The following CNIH3 variants were observed in gnomAD, a reference collection of about 807,000 sequenced individuals.
CNIH3 encodes cornichon family AMPA receptor auxiliary protein 3.
Under a neutral mutation model 24.1 loss-of-function variants are expected in CNIH3, and 14 were observed. The ratio of observed to expected loss-of-function variants is 0.58; its 90% confidence interval spans 0.38 to 0.91. The LOEUF is 0.91. Ranked by LOEUF, CNIH3 falls within the 40% of genes least tolerant of loss-of-function variation. The probability of loss-of-function intolerance (pLI) is 0.00; values close to 1 mark genes in which losing one functional copy is unlikely to be tolerated. For synonymous variants in CNIH3, 68 were observed against 73.8 expected (o/e 0.92, Z 0.40); for missense variants, 178 against 196.8 (o/e 0.90, Z 0.57).
Position 224,616,857 on chromosome 1 carries a change from CA to C in CNIH3, c.-317del. 8.4e-7 allele frequency: 1 copy of C among 1,192,042 alleles called. No homozygotes were observed. The highest frequency in any genetic ancestry group is 2.9e-5 in the South Asian group (1 of 34,474). 73.8% of individuals were successfully genotyped at this position (1,192,042 alleles called of 1,614,324 possible). On this transcript the variant is annotated 5_prime_UTR_variant, in exon 1 of 6. It introduces an in-frame stop codon into an upstream open reading frame of the 5' UTR. Coordinates refer to ENST00000272133, the MANE Select transcript of CNIH3 (RefSeq NM_152495.2). ...CTTGTCGTGTTGGTCTCGAGGGGCT[CA>C]CAGCTTGGCACTAATTTGCAGGTGT... is the stretch of plus-strand genomic sequence containing the variant.
At chr1:224,539,583 C>T (rs16849338), downstream of CNIH3, among the ~76,000 whole-genome samples, 7,731 of 152,250 alleles carry the variant, frequency 0.051, 291 homozygotes, top group Non-Finnish European at 0.07. Context: ...GACTTTACAA[C>T]GCTCTAGGAT....
chr1:224,685,929 A>G (rs1210178361), intron 3 of CNIH3, among the ~76,000 whole-genome samples: 1 of 152,226 alleles, frequency 6.6e-6, no homozygotes. Context: ...TTAGGAAAAT[A>G]ACATAATATG....
chr1:224,531,534 C>A (rs1479941585), intron 2 of CNIH3, among the ~76,000 whole-genome samples: 1 of 152,124 alleles, frequency 6.6e-6, no homozygotes, highest in Non-Finnish European at 1.5e-5. Context: ...AGTTGAAAGG[C>A]CAAGACAACT....
Position 224,468,055 on chromosome 1 carries a change from T to C in CNIH3, n.203+33193T>C, listed in dbSNP as rs971649327. On this transcript the variant is annotated intron_variant and non_coding_transcript_variant, in intron 1 of 5. Transcript: ENST00000471578. Reference sequence around the variant, plus strand: ...ATTATATTTCATTGATCTACATATTTATTCTTCCACCAGTACTCTACTGTC... The same window carrying C: ...ATTATATTTCATTGATCTACATATTCATTCTTCCACCAGTACTCTACTGTC... Among the ~76,000 whole-genome samples the C allele has an allele frequency of 5.9e-5, 9 of 152,174 alleles. No homozygotes were observed. In the South Asian group the frequency reaches 1.2e-3, roughly 21 times the overall value.
chr1:224,584,477 C>T (rs917071852), intron 5 of CNIH3, among the ~76,000 whole-genome samples: 14 of 152,122 alleles, frequency 9.2e-5, no homozygotes, highest in African/African-American at 2.2e-4. Flanking sequence ...CCCTTTATGC[C>T]GGAGTAGACA....
At chr1:224,652,984 C>T (rs1558256070) in intron 1 of CNIH3, among the ~76,000 whole-genome samples, 1 of 152,174 alleles carries the variant, frequency 6.6e-6, no homozygotes, top group Non-Finnish European at 1.5e-5. Flanking sequence ...AGGAAGGCCA[C>T]CGGAAGGCCA....
chr1:224,441,214 C>T (rs1395243130), intron 1 of CNIH3, among the ~76,000 whole-genome samples: 1 of 152,134 alleles, frequency 6.6e-6, no homozygotes, highest in Non-Finnish European at 1.5e-5. Flanking sequence ...TTCTAAAGCA[C>T]ACGTTTTTAA....
chr1:224,692,849 C>T (rs1358643304), intron 3 of CNIH3, among the ~76,000 whole-genome samples: 1 of 152,148 alleles, frequency 6.6e-6, no homozygotes, highest in East Asian at 1.9e-4. Flanking sequence ...AAACATGCTC[C>T]TTAAGGACCA....
intron 4 of CNIH3, among the ~76,000 whole-genome samples, chr1:224,733,120 G>A (rs1689422234): frequency 6.6e-6 from 1 of 152,116 alleles, no homozygotes; most frequent in South Asian, 2.1e-4. Flanking sequence ...AAATAGAACT[G>A]TCTGCTGTTG....
intron 1 of CNIH3, among the ~76,000 whole-genome samples, chr1:224,494,118 A>C (rs1387624932): frequency 6.6e-6 from 1 of 152,246 alleles, no homozygotes; most frequent in Non-Finnish European, 1.5e-5. Flanking sequence ...CTTATCACAG[A>C]TGTCAGGTCA....
At chr1:224,570,324 C>T (rs1408629653) in intron 4 of CNIH3, among the ~76,000 whole-genome samples, 2 of 150,382 alleles carry the variant, frequency 1.3e-5, no homozygotes, top group African/African-American at 4.9e-5. Flanking sequence ...CCCTCCCCCT[C>T]CCACCTCTAG....
chr1:224,647,116 G>A (rs919339297), intron 1 of CNIH3, among the ~76,000 whole-genome samples: 3 of 152,116 alleles, frequency 2.0e-5, no homozygotes, highest in African/African-American at 7.2e-5. Flanking sequence ...CCTCCTGAGT[G>A]GGGTTACAGG....
chr1:224,645,678 T>C (rs1684572471), intron 1 of CNIH3, among the ~76,000 whole-genome samples: 1 of 152,210 alleles, frequency 6.6e-6, no homozygotes, highest in Admixed American at 6.5e-5. Context: ...GCAGCACTCA[T>C]TGTGGCCAGC....
At chr1:224,574,691 G>A (rs925075679) in intron 4 of CNIH3, 6 of 1,147,624 alleles carry the variant, frequency 5.2e-6, no homozygotes, top group Non-Finnish European at 7.9e-6. Flanking sequence ...ACCATGAGAA[G>A]GGCCTGGTGA....
chr1:224,513,315 AT>A (rs548599855), upstream of CNIH3, among the ~76,000 whole-genome samples: 2,028 of 72,570 alleles, frequency 0.028, 38 homozygotes, highest in Middle Eastern at 0.12. Context: ...CACCTGGTTA[AT>A]TTTTTTTTTT....
intron 1 of CNIH3, among the ~76,000 whole-genome samples, chr1:224,630,816 G>A (rs1287146490): frequency 6.6e-6 from 1 of 152,174 alleles, no homozygotes; most frequent in Non-Finnish European, 1.5e-5. Context: ...CTTCAGGTGA[G>A]TGAGGTGGGT....
At chr1:224,607,917 A>G (rs1682501034) in intron 3 of CNIH3, among the ~76,000 whole-genome samples, 1 of 152,148 alleles carries the variant, frequency 6.6e-6, no homozygotes, top group Non-Finnish European at 1.5e-5. Flanking sequence ...TTCCTTTTAC[A>G]GCACTCAAAA....
At chr1:224,715,257 C>G (rs1331513403) in intron 3 of CNIH3, among the ~76,000 whole-genome samples, 1 of 152,214 alleles carries the variant, frequency 6.6e-6, no homozygotes, top group East Asian at 1.9e-4. Flanking sequence ...GCTTTCCTGA[C>G]TCTGCACCCT....
At chr1:224,587,051 C>T (rs1681541444) in intron 5 of CNIH3, 1 of 152,256 alleles carries the variant, frequency 6.6e-6, no homozygotes, top group Non-Finnish European at 1.5e-5. Flanking sequence ...TTTGTTGCAA[C>T]AGCCCTAGAA....
Sources: allele counts gnomAD v4.1 joint callset (sites outside exome capture counted in the v4.1 genomes callset), GRCh38; gene constraint gnomAD v4.1.1; transcripts MANE v1.5; gene names NCBI Gene and HGNC (gene_info 2026-07-23, HGNC 2026-07-21).